TEX11: variants seen among roughly 807,000 people sequenced by gnomAD.
The protein encoded by TEX11 is testis expressed 11, also known as testis-expressed protein 11.
TEX11 carries 7 observed loss-of-function variants against 84.4 expected under a neutral mutation model. The ratio of observed to expected loss-of-function variants is 0.08; its 90% CI spans 0.05 to 0.16. The LOEUF (loss-of-function observed/expected upper bound fraction) is 0.16. TEX11 is among the 10% of genes least tolerant of loss of function. The pLI, the probability that TEX11 is intolerant of heterozygous loss-of-function variation, is 1.00. For missense variants in TEX11, 551 were observed against 660.5 expected (o/e 0.83, Z 1.82); for synonymous variants, 264 against 222.8 (o/e 1.18, Z -1.64).
At chrX:70,882,365 C>A (rs2091688104) in intron 2 of TEX11, among the ~76,000 whole-genome samples, 1 of 111,298 alleles carries the variant, frequency 9.0e-6, no homozygotes, top group African/African-American at 3.3e-5. Flanking sequence ...GTCACCTAGG[C>A]TGAAGTACAG....
chrX:70,644,951 TAAAA>T (rs1370092075), intron 17 of TEX11, among the ~76,000 whole-genome samples: 1 of 107,120 alleles, frequency 9.3e-6, no homozygotes, highest in African/African-American at 3.4e-5. Context: ...ATAAATAAAA[TAAAA>T]AAAGAAAGAG....
At chrX:70,729,834 A>G (rs2090630903) in intron 11 of TEX11, among the ~76,000 whole-genome samples, 1 of 111,104 alleles carries the variant, frequency 9.0e-6, no homozygotes, top group Non-Finnish European at 1.9e-5. Context: ...CCTCGAGAAG[A>G]GCAACTCCAA....
At chrX:70,648,115 G>T (rs2089767488) in intron 17 of TEX11, among the ~76,000 whole-genome samples, 1 of 111,322 alleles carries the variant, frequency 9.0e-6, no homozygotes, top group Non-Finnish European at 1.9e-5. Flanking sequence ...CCTTTGTAGG[G>T]ACATGGATGA....
chrX:70,685,129 C>T (rs1295637423), intron 13 of TEX11, among the ~76,000 whole-genome samples: 2 of 111,996 alleles, frequency 1.8e-5, no homozygotes, highest in African/African-American at 3.2e-5. Flanking sequence ...TTCAGAAGGC[C>T]GAGGTTGGTG....
At chrX:70,524,859 C>A (rs2087808527), downstream of TEX11, among the ~76,000 whole-genome samples, 1 of 112,395 alleles carries the variant, frequency 8.9e-6, no homozygotes, top group Admixed American at 9.4e-5. Context: ...GCCACCACAC[C>A]CAGCCAATTA....
chrX:70,553,553 A>G (rs1247504130), intron 26 of TEX11, 139 bp from the exon 27 acceptor site: 4 of 421,490 alleles, frequency 9.5e-6, no homozygotes, highest in Non-Finnish European at 1.6e-5. Context: ...AATTTTATAA[A>G]TGATAAATCT....
intron 13 of TEX11, among the ~76,000 whole-genome samples, chrX:70,711,171 C>T (rs4400530): frequency 0.42 from 45,832 of 110,254 alleles, 7,914 homozygotes; most frequent in East Asian, 0.58. Context: ...GCCACATTTT[C>T]TTAATCCAGT....
At chrX:70,682,526 A>G in intron 14 of TEX11, 148 bp downstream of exon 14, 1 of 543,721 alleles carries the variant, frequency 1.8e-6, no homozygotes, top group Non-Finnish European at 2.9e-6. Flanking sequence ...TGGACAGGTG[A>G]GGTGTTACTG....
chrX:70,826,226 G>A (rs924619802), intron 8 of TEX11, among the ~76,000 whole-genome samples: 30 of 108,142 alleles, frequency 2.8e-4, no homozygotes, highest in African/African-American at 8.8e-4. Flanking sequence ...CAGGAGGATC[G>A]TTTGAACCCG....
chrX:70,852,990 T>C, intron 7 of TEX11, 44 bp downstream of exon 7: 1 of 1,181,467 alleles, frequency 8.5e-7, no homozygotes, highest in Non-Finnish European at 1.1e-6. Context: ...CTTTTACATA[T>C]GGAAAATGCC....
intron 13 of TEX11, among the ~76,000 whole-genome samples, chrX:70,706,592 G>T (rs1051378834): frequency 1.8e-5 from 2 of 110,783 alleles, no homozygotes; most frequent in Non-Finnish European, 3.8e-5. Flanking sequence ...CCCCTTTTAT[G>T]GTATAAAAAT....
chrX:70,716,559 G>A (rs5936961), intron 13 of TEX11, among the ~76,000 whole-genome samples: 46,292 of 111,470 alleles, frequency 0.42, 7,930 homozygotes, highest in East Asian at 0.58. Flanking sequence ...AGCAATGAGC[G>A]AGGCTCTGTG....
rs185943949 is a variant in TEX11, at chrX:70,589,663, C to T, written c.2140+2088G>A. 2.1e-3 allele frequency among the ~76,000 whole-genome samples: 236 copies of T among 111,274 alleles called. 1 individual carries two copies. The highest frequency in any genetic ancestry group is 7.4e-3 in the African/African-American group (226 of 30,606). On this transcript the variant is annotated intron_variant, in intron 25 of 29. Transcript: ENST00000374333. Reference sequence around the variant, plus strand: ...TCAGGCTCCCAAGTAGCTGGGATTACGGGCACATGCCACCATATTTGGCTG... The same window carrying T: ...TCAGGCTCCCAAGTAGCTGGGATTATGGGCACATGCCACCATATTTGGCTG...
intron 2 of TEX11, among the ~76,000 whole-genome samples, chrX:70,892,163 T>A (rs937497380): frequency 9.0e-6 from 1 of 110,634 alleles, no homozygotes; most frequent in African/African-American, 3.3e-5. Flanking sequence ...AATAAATAAA[T>A]AAAAATAAAT....
intron 17 of TEX11, among the ~76,000 whole-genome samples, chrX:70,645,623 C>T (rs1051447518): frequency 1.8e-5 from 2 of 111,425 alleles, no homozygotes; most frequent in African/African-American, 3.3e-5. Context: ...AAAGTAGTAG[C>T]ATTTCTACAT....
intron 14 of TEX11, 73 bp downstream of exon 14, chrX:70,682,601 G>A: frequency 9.4e-7 from 1 of 1,064,036 alleles, no homozygotes; most frequent in Non-Finnish European, 1.3e-6. Context: ...TGAGGATTTT[G>A]CTATTACTCT....
intron 7 of TEX11, among the ~76,000 whole-genome samples, chrX:70,841,796 G>A (rs1175217269): frequency 9.0e-6 from 1 of 110,984 alleles, no homozygotes; most frequent in African/African-American, 3.3e-5. Context: ...TGATAAAGGG[G>A]ATATCACCAC....
At chrX:70,596,513 T>C (rs1370558958) in intron 24 of TEX11, among the ~76,000 whole-genome samples, 1 of 110,238 alleles carries the variant, frequency 9.1e-6, no homozygotes, top group East Asian at 2.8e-4. Context: ...TATGTGAAAA[T>C]TAAACAACAG....
At chrX:70,528,919 G>C, downstream of TEX11, 1 of 443,023 alleles carries the variant, frequency 2.3e-6, no homozygotes, top group Non-Finnish European at 4.0e-6. Context: ...TTGTCCCCCA[G>C]AAATGAGCTG....
Sources: allele counts gnomAD v4.1 joint callset (sites outside exome capture counted in the v4.1 genomes callset), GRCh38; gene constraint gnomAD v4.1.1; transcripts MANE v1.5; gene names NCBI Gene and HGNC (gene_info 2026-07-23, HGNC 2026-07-21).